The following AGBL1 variants were observed in gnomAD, a reference collection of about 807,000 sequenced individuals.
The protein encoded by AGBL1 is cytosolic carboxypeptidase 4.
A neutral mutation model predicts 118.9 loss-of-function variants in AGBL1; 130 were observed. The observed-to-expected ratio is 1.09, with a 90% CI of 0.95 to 1.26. The LOEUF (loss-of-function observed/expected upper bound fraction) is 1.26. Among genes scored for constraint, AGBL1 ranks in the 50% most tolerant of loss-of-function variants. The pLI is 0.00. For synonymous variants in AGBL1, 555 were observed against 478.9 expected (o/e 1.16, Z -2.08); for missense variants, 1,584 against 1,298.1 (o/e 1.22, Z -3.38).
Position 87,025,468 on chromosome 15 carries a change from A to G in AGBL1, c.3324-3357A>G, listed in dbSNP as rs145862000. Among the ~76,000 whole-genome samples the G allele has an allele frequency of 4.3e-3, 649 of 152,240 alleles. 18 individuals are homozygous for G. The highest frequency in any genetic ancestry group is 0.036 in the Admixed American group (544 of 15,266). On this transcript the variant is annotated intron_variant, in intron 24 of 24. Transcript: ENST00000441037. ...GGAAGTGAAAGACCTCTGCAAGGAA[A>G]ACTGCAAAACATTGCTGAAATAAAT... is the stretch of plus-strand genomic sequence containing the variant.
chr15:86,791,728 T>TTATATATATATATATATATATATATATA (rs3059670), intron 22 of AGBL1, among the ~76,000 whole-genome samples: 3 of 142,866 alleles, frequency 2.1e-5, no homozygotes, highest in African/African-American at 7.7e-5. Context: ...TCCTTGTTTT[T>TTATATATATATATATATATATATATATA]TATATATATA....
At chr15:86,320,196 C>G (rs79330464) in intron 17 of AGBL1, among the ~76,000 whole-genome samples, 25 of 151,902 alleles carry the variant, frequency 1.6e-4, no homozygotes, top group African/African-American at 6.0e-4. Flanking sequence ...ATATTCCTAT[C>G]GGGAAAAAAG....
In AGBL1 at chr15:86,950,423, A is replaced by C. The variant is rs192790750; in HGVS notation, c.3222-37564A>C. On this transcript the variant is annotated intron_variant, in intron 23 of 24. Transcript: ENST00000441037. ...AAAAAATACTCATATCAGGAGTAGT[A>C]AAAGAGACATAATCATAGATTTTAC... Among the ~76,000 whole-genome samples the C allele has an allele frequency of 9.3e-4, 140 of 151,344 alleles. 1 individual carries two copies. Among genetic ancestry groups the C allele is most frequent in the African/African-American group, 3.1e-3 (128 of 41,500 alleles).
chr15:86,115,415 TTTC>T (rs1212332663), intron 1 of AGBL1, among the ~76,000 whole-genome samples: 3 of 152,234 alleles, frequency 2.0e-5, no homozygotes, highest in Non-Finnish European at 2.9e-5. Context: ...TTTCTTTCTT[TTTC>T]TTAAGAAAAA....
chr15:87,021,823 C>T (rs978854605), intron 24 of AGBL1, among the ~76,000 whole-genome samples: 1 of 152,048 alleles, frequency 6.6e-6, no homozygotes, highest in Non-Finnish European at 1.5e-5. Context: ...AATTTCTGCT[C>T]CAGAACAACT....
chr15:86,780,312 C>T (rs1471825281), intron 22 of AGBL1, among the ~76,000 whole-genome samples: 1 of 152,160 alleles, frequency 6.6e-6, no homozygotes, highest in Admixed American at 6.6e-5. Flanking sequence ...GGATTCTTTT[C>T]TGTTCTACTG....
intron 17 of AGBL1, among the ~76,000 whole-genome samples, chr15:86,372,776 G>A (rs1348061217): frequency 2.0e-5 from 3 of 151,864 alleles, no homozygotes; most frequent in Admixed American, 6.5e-5. Flanking sequence ...TGCTACAAAG[G>A]CTTCTCTGGA....
At chr15:86,688,538 C>T (rs189301507) in intron 22 of AGBL1, among the ~76,000 whole-genome samples, 171 of 152,030 alleles carry the variant, frequency 1.1e-3, no homozygotes, top group Middle Eastern at 3.4e-3. Context: ...TATAGTCTCC[C>T]GAATATACGC....
At chr15:86,311,020 A>T (rs751534695) in intron 17 of AGBL1, among the ~76,000 whole-genome samples, 26 of 151,858 alleles carry the variant, frequency 1.7e-4, no homozygotes, top group Non-Finnish European at 3.7e-4. Context: ...CCCGCGCTTC[A>T]CTCCTGGTTC....
At chr15:86,414,000 G>T (rs754890509) in intron 18 of AGBL1, among the ~76,000 whole-genome samples, 1 of 152,080 alleles carries the variant, frequency 6.6e-6, no homozygotes, top group African/African-American at 2.4e-5. Flanking sequence ...CCATATAAAA[G>T]AATGAAATCA....
intron 9 of AGBL1, among the ~76,000 whole-genome samples, chr15:86,259,910 A>G (rs925637002): frequency 6.6e-6 from 1 of 152,150 alleles, no homozygotes; most frequent in Admixed American, 6.5e-5. Flanking sequence ...CATGGGAGGG[A>G]GGGTGTTCAG....
At chr15:86,744,917 C>T (rs2077733267) in intron 22 of AGBL1, among the ~76,000 whole-genome samples, 1 of 152,136 alleles carries the variant, frequency 6.6e-6, no homozygotes, top group Admixed American at 6.6e-5. Flanking sequence ...CGGAGCAGCT[C>T]TATCCTGCTC....
intron 17 of AGBL1, among the ~76,000 whole-genome samples, chr15:86,378,906 T>C (rs1244804290): frequency 3.3e-5 from 5 of 151,672 alleles, no homozygotes; most frequent in Non-Finnish European, 7.4e-5. Flanking sequence ...TTTAGTTTTT[T>C]TTTTTTTCTT....
intron 17 of AGBL1, among the ~76,000 whole-genome samples, chr15:86,304,514 G>T (rs1170241420): frequency 6.6e-6 from 1 of 152,112 alleles, no homozygotes; most frequent in Non-Finnish European, 1.5e-5. Flanking sequence ...ACTATATGTT[G>T]TATTTTTTTC....
At position 86,194,330 on chromosome 15, in the gene AGBL1, A is replaced by G. The variant is rs147499310; in HGVS notation, c.489-30584A>G. ...TATCAAGATGTCTGGGTCTATGCTT[A>G]AGCATTTGCAAAGAAAGAGTGATGC... On this transcript the variant is annotated intron_variant, in intron 5 of 22. Transcript: ENST00000614907. Among the ~76,000 whole-genome samples the G allele has an allele frequency of 2.9e-3, 447 of 152,338 alleles. 4 individuals are homozygous for G. Among genetic ancestry groups the G allele is most frequent in the African/African-American group, 0.01 (431 of 41,566 alleles).
chr15:86,253,378 G>A (rs889796782), intron 7 of AGBL1, among the ~76,000 whole-genome samples: 3 of 151,990 alleles, frequency 2.0e-5, no homozygotes, highest in Non-Finnish European at 4.4e-5. Flanking sequence ...AGCCTCCCGA[G>A]TAGCTGGAAT....
At position 86,915,177 on chromosome 15, in the gene AGBL1, A is replaced by C. The variant is rs2141609707; in HGVS notation, c.*7883A>C. 1 of 152,250 alleles carries C rather than the reference A, an allele frequency of 6.6e-6. No homozygotes were observed. The highest frequency in any genetic ancestry group is 2.1e-4 in the South Asian group (1 of 4,820). 9.4% of individuals were successfully genotyped at this position (152,250 alleles called of 1,614,324 possible). ...ACTCGGTAACACTGTTCTCACCTGG[A>C]CTTCAAGTTTTCTTACCACTCTTCT... On this transcript the variant is annotated 3_prime_UTR_variant, in exon 23 of 23. Transcript: ENST00000614907.
intron 24 of AGBL1, among the ~76,000 whole-genome samples, chr15:87,006,013 T>C (rs759204856): frequency 7.2e-5 from 11 of 152,214 alleles, no homozygotes; most frequent in African/African-American, 2.7e-4. Context: ...ACAGCAAATA[T>C]TGCTGAACAG....
At chr15:86,183,530 T>A (rs528383111) in intron 5 of AGBL1, among the ~76,000 whole-genome samples, 36 of 152,056 alleles carry the variant, frequency 2.4e-4, no homozygotes, top group Admixed American at 2.0e-3. Flanking sequence ...GCATGATGAG[T>A]TTTTTCCTCA....
Sources: allele counts gnomAD v4.1 joint callset (sites outside exome capture counted in the v4.1 genomes callset), GRCh38; gene constraint gnomAD v4.1.1; transcripts MANE v1.5; gene names NCBI Gene and HGNC (gene_info 2026-07-23, HGNC 2026-07-21).